Variants in HABP2 observed in about 807,000 individuals in gnomAD.
The protein encoded by HABP2 is hyaluronan binding protein 2.
Under a neutral mutation model 66.5 loss-of-function variants are expected in HABP2, and 65 were observed. That is an observed-to-expected ratio of 0.98 (90% CI 0.80 to 1.20). The LOEUF (loss-of-function observed/expected upper bound fraction) is 1.20, where lower values mean the gene tolerates loss of function less well. Among genes scored for constraint, HABP2 ranks in the 50% most tolerant of loss-of-function variants. HABP2 has a pLI of 0.00. For synonymous variants in HABP2, 263 were observed against 253.9 expected, an observed-to-expected ratio of 1.04 and a Z score of -0.34; for missense variants, 786 against 691.0, an observed-to-expected ratio of 1.14 and a Z score of -1.54.
intron 1 of HABP2, among the ~76,000 whole-genome samples, chr10:113,560,912 G>A (rs1365953759): frequency 6.6e-6 from 1 of 152,192 alleles, no homozygotes; most frequent in African/African-American, 2.4e-5. Context: ...TCCATGCTGG[G>A]GATGACGAAA....
intron 11 of HABP2, among the ~76,000 whole-genome samples, chr10:113,585,591 G>T (rs184528171): frequency 1.3e-5 from 2 of 152,322 alleles, no homozygotes; most frequent in African/African-American, 2.4e-5. Flanking sequence ...TCTGGTCCAT[G>T]TATCATGACC....
rs956063329 is a variant in HABP2, at chr10:113,553,686, T to C, written c.69+496T>C. ...TGGCAGTGGGTCTGCATAAATAGTT[T>C]GGATTTGGGGAGAAGCTTTGTGTTT... On this transcript the variant is annotated intron_variant, in intron 1 of 12. Transcript: ENST00000351270. Among the ~76,000 whole-genome samples, 5 of 152,218 alleles carry C rather than the reference T, an allele frequency of 3.3e-5. No individual in the cohort carries two copies. In the East Asian group the frequency reaches 5.8e-4, roughly 18 times the overall value.
chr10:113,563,587 CTTTT>C (rs1042760490), intron 1 of HABP2, among the ~76,000 whole-genome samples: 1 of 150,006 alleles, frequency 6.7e-6, no homozygotes, highest in Non-Finnish European at 1.5e-5. Context: ...TCTCGGCTTT[CTTTT>C]TGTTTGGTTT....
At chr10:113,560,899 C>T (rs1845087781) in intron 1 of HABP2, among the ~76,000 whole-genome samples, 1 of 152,170 alleles carries the variant, frequency 6.6e-6, no homozygotes, top group Admixed American at 6.5e-5. Flanking sequence ...TCAACGAGTA[C>T]AGTCCATGCT....
At chr10:113,568,778 G>A (rs1374101971) in intron 2 of HABP2, among the ~76,000 whole-genome samples, 1 of 152,172 alleles carries the variant, frequency 6.6e-6, no homozygotes, top group African/African-American at 2.4e-5. Context: ...CCCTGGGTCT[G>A]ATTTTCAGAG....
In HABP2 at chr10:113,575,965, A is replaced by G; in HGVS notation, c.292A>G (p.Ser98Gly). 2 of 1,610,890 alleles carry G rather than the reference A, an allele frequency of 1.2e-6. No homozygotes were observed. The highest frequency in any genetic ancestry group is 1.1e-5 in the South Asian group (1 of 91,022). ...CLVHGSTFTCSCLAPFSGNKC... is the reference protein window; with the variant it reads ...CLVHGSTFTCGCLAPFSGNKC... ...CGTCCATGGGAGCACCTTCACATGC[A>G]GCTGCCTGGCTCCTTTCTCTGGGAA... The change falls in exon 4 of 13, where the codon AGC (serine) becomes GGC (glycine). Residue 98 changes from serine (S) to glycine (G), a missense_variant. Coordinates refer to ENST00000351270, the MANE Select transcript of HABP2 (RefSeq NM_004132.5).
chr10:113,574,814 G>C (rs554759002), intron 3 of HABP2, among the ~76,000 whole-genome samples: 4 of 152,322 alleles, frequency 2.6e-5, no homozygotes, highest in South Asian at 2.1e-4. Flanking sequence ...ACTGTAGCAT[G>C]TACACATTCA....
intron 5 of HABP2, 106 bp from the exon 6 acceptor site, chr10:113,577,920 G>A (rs989231397): frequency 9.5e-6 from 13 of 1,373,404 alleles, no homozygotes; most frequent in East Asian, 2.3e-5. Flanking sequence ...CATCTTTCGC[G>A]AAAGGATGGA....
Position 113,577,966 on chromosome 10 carries a change from T to G in HABP2, c.449-60T>G, listed in dbSNP as rs944021837. The G allele has an allele frequency of 3.7e-5, 58 of 1,588,018 alleles. 1 individual carries two copies. Among genetic ancestry groups the G allele is most frequent in the Non-Finnish European group, 3.8e-5 (44 of 1,167,158 alleles). On this transcript the variant is annotated intron_variant, in intron 5 of 12. Coordinates refer to ENST00000351270, the MANE Select transcript of HABP2 (RefSeq NM_004132.5). Reference sequence around the variant, plus strand: ...ATGCCACCAATGTCTCCTTGTCATCTCAGACATGGGCTGCAACTCCTTCTG... The same window carrying G: ...ATGCCACCAATGTCTCCTTGTCATCGCAGACATGGGCTGCAACTCCTTCTG...
chr10:113,567,889 T>C (rs569035935), intron 2 of HABP2, among the ~76,000 whole-genome samples: 3 of 152,290 alleles, frequency 2.0e-5, no homozygotes, highest in African/African-American at 7.2e-5. Flanking sequence ...GAGGGCGAGA[T>C]GAAAAATGCA....
upstream of HABP2, among the ~76,000 whole-genome samples, chr10:113,552,611 C>T (rs1379185820): frequency 6.6e-6 from 1 of 152,232 alleles, no homozygotes; most frequent in Non-Finnish European, 1.5e-5. Context: ...AGCAGTTTTG[C>T]ATCCTTTAAT....
intron 1 of HABP2, among the ~76,000 whole-genome samples, chr10:113,558,661 A>G (rs3781384): frequency 0.36 from 54,437 of 152,102 alleles, 10,407 homozygotes; most frequent in East Asian, 0.61. Flanking sequence ...AGTGGCTCAC[A>G]TCTGATGCCA....
At chr10:113,554,728 G>T (rs547065249) in intron 1 of HABP2, among the ~76,000 whole-genome samples, 42 of 152,312 alleles carry the variant, frequency 2.8e-4, no homozygotes, top group Admixed American at 1.5e-3. Flanking sequence ...AAGGAGAAAC[G>T]TTGACACGGT....
Position 113,584,150 on chromosome 10 carries a change from T to C in HABP2, c.1240T>C (p.Leu414=). ...TTTCTACCTCTCTCTCCACCTAGCA[T>C]TGCTCAAGTTAAAGCCAGTGGATGG... ...RDEIPHNDIA[L]LKLKPVDGHC... Residue 414 remains leucine, a splice_region_variant and synonymous_variant, in exon 11 of 13, where the codon TTG becomes CTG. Coordinates refer to ENST00000351270, the MANE Select transcript of HABP2 (RefSeq NM_004132.5). 6.2e-7 allele frequency: 1 copy of C among 1,613,814 alleles called. No individual in the cohort carries two copies. The highest frequency in any genetic ancestry group is 1.1e-5 in the South Asian group (1 of 91,040).
At chr10:113,559,949 A>G (rs958783979) in intron 1 of HABP2, among the ~76,000 whole-genome samples, 4 of 152,064 alleles carry the variant, frequency 2.6e-5, no homozygotes, top group East Asian at 1.9e-4. Context: ...CCCTGCCCCA[A>G]TGTGTCCATG....
intron 8 of HABP2, among the ~76,000 whole-genome samples, chr10:113,580,953 A>T (rs562323205): frequency 6.6e-6 from 1 of 152,128 alleles, no homozygotes; most frequent in South Asian, 2.1e-4. Flanking sequence ...CCCTCAACAG[A>T]TATTTACCCA....
At chr10:113,568,684 G>C (rs1316633349) in intron 2 of HABP2, among the ~76,000 whole-genome samples, 1 of 152,194 alleles carries the variant, frequency 6.6e-6, no homozygotes, top group Non-Finnish European at 1.5e-5. Context: ...GTGGAGTCCA[G>C]GGAGGAGCCA....
At position 113,588,946 on chromosome 10, in the gene HABP2, G is replaced by A. The variant is rs760661336; in HGVS notation, c.*577G>A. 1.9e-6 allele frequency: 3 copies of A among 1,555,960 alleles called. No homozygotes were observed. The Admixed American group carries it at 5.2e-5, about 27-fold the overall frequency. ...TCTCTGGTGAACAAACTTCCTCTCT[G>A]GCCTCTCAGGAATCAGGGTGGACAT... is the stretch of plus-strand genomic sequence containing the variant. On this transcript the variant is annotated 3_prime_UTR_variant, in exon 13 of 13. Coordinates refer to ENST00000351270, the MANE Select transcript of HABP2 (RefSeq NM_004132.5).
intron 1 of HABP2, among the ~76,000 whole-genome samples, chr10:113,562,660 G>T (rs1845121259): frequency 6.6e-6 from 1 of 152,146 alleles, no homozygotes. Flanking sequence ...GGCCAAGCTG[G>T]TCTCCAACTC....
Sources: gnomAD v4.1 joint callset for allele counts (sites outside exome capture counted in the v4.1 genomes callset) on GRCh38, gnomAD v4.1.1 for gene constraint, MANE v1.5 for transcripts, NCBI Gene and HGNC (gene_info 2026-07-23, HGNC 2026-07-21) for gene names.